FBXO31: variants seen among roughly 807,000 people sequenced by gnomAD.
FBXO31 encodes the protein F-box only protein 31.
FBXO31 carries 24 observed loss-of-function variants against 54.4 expected under a neutral mutation model. The ratio of observed to expected loss-of-function variants is 0.44; its 90% CI spans 0.32 to 0.62. FBXO31 has a LOEUF of 0.62. Among genes scored for constraint, FBXO31 ranks in the 20% least tolerant of loss-of-function variants. The pLI is 0.05. For missense variants in FBXO31, 665 were observed against 787.1 expected (o/e 0.84, Z 1.86); for synonymous variants, 388 against 335.6 (o/e 1.16, Z -1.71).
intron 2 of FBXO31, among the ~76,000 whole-genome samples, chr16:87,355,097 C>T (rs182840368): frequency 2.0e-5 from 3 of 152,324 alleles, no homozygotes; most frequent in African/African-American, 7.2e-5. Context: ...GTGGCTCACG[C>T]CTGTAATCCC....
rs758118934 is a variant in FBXO31 at position 87,360,284 on chromosome 16, G to T, written c.412+11C>A. 1.2e-6 allele frequency: 2 copies of T among 1,613,016 alleles called. No homozygotes were observed. The highest frequency in any genetic ancestry group is 1.7e-6 in the Non-Finnish European group (2 of 1,178,966). On this transcript the variant is annotated intron_variant, in intron 2 of 8. Transcript: ENST00000311635. ...AGTTAATCATGGATGGTAACAAATA[G>T]ATTCACTCACGCTTCGCATAGACGT...
chr16:87,379,853 G>A (rs1906996858), intron 1 of FBXO31, among the ~76,000 whole-genome samples: 1 of 151,794 alleles, frequency 6.6e-6, no homozygotes, highest in Non-Finnish European at 1.5e-5. Flanking sequence ...CTCCCAAAGT[G>A]CTGGAATTAC....
intron 5 of FBXO31, among the ~76,000 whole-genome samples, chr16:87,340,579 A>T (rs527689734): frequency 6.6e-6 from 1 of 152,360 alleles, no homozygotes; most frequent in Non-Finnish European, 1.5e-5. Flanking sequence ...CTCATTTGTA[A>T]ACATATGTGC....
rs1417982024 is a variant in FBXO31, at chr16:87,346,012, CAG to C, written c.489+1160_489+1161del. On this transcript the variant is annotated intron_variant, in intron 3 of 8. Coordinates refer to ENST00000311635, the MANE Select transcript of FBXO31 (RefSeq NM_024735.5). This position sits in a 1 kb window ranked among gnomAD's most constrained non-coding sequence, Gnocchi z 4.2. The stretch of plus-strand genomic sequence containing the variant: ...AGGGGTGGGAGGTGGAGGAGGGAAG[CAG>C]AGTGGCTGCTGAGAGGAGAAGGGGC... Among the ~76,000 whole-genome samples, 3 of 151,996 alleles carry C rather than the reference CAG, an allele frequency of 2.0e-5. No homozygotes were observed. Among genetic ancestry groups the C allele is most frequent in the Non-Finnish European group, 4.4e-5 (3 of 67,984 alleles).
intron 1 of FBXO31, among the ~76,000 whole-genome samples, chr16:87,382,429 G>A (rs1330493985): frequency 6.6e-6 from 1 of 152,148 alleles, no homozygotes; most frequent in Non-Finnish European, 1.5e-5. Flanking sequence ...CTAAATATGA[G>A]CTGCTTGAAC....
chr16:87,333,481 TG>T (rs1454921964), intron 8 of FBXO31, among the ~76,000 whole-genome samples: 1 of 151,268 alleles, frequency 6.6e-6, no homozygotes, highest in Non-Finnish European at 1.5e-5. Flanking sequence ...ACAGGGTGGG[TG>T]GGGAAGGGGC....
rs1209263906 is a variant in FBXO31, at chr16:87,336,642, C to T, written c.733-378G>A. Among the ~76,000 whole-genome samples, 5 of 152,178 alleles carry T rather than the reference C, an allele frequency of 3.3e-5. No homozygotes were observed. Among genetic ancestry groups the T allele is most frequent in the African/African-American group, 9.6e-5 (4 of 41,452 alleles). ...CTACACAGACTCTGGCCCTGCACAG[C>T]ACAGCCCCTCAGCCTGCTTCTCTGG... On this transcript the variant is annotated intron_variant, in intron 5 of 8. Coordinates refer to ENST00000311635, the MANE Select transcript of FBXO31 (RefSeq NM_024735.5). The surrounding 1 kb of genome is among the most constrained non-coding windows in gnomAD (Gnocchi z 6.5).
intron 1 of FBXO31, among the ~76,000 whole-genome samples, chr16:87,373,932 A>G (rs2150694794): frequency 6.6e-6 from 1 of 152,342 alleles, no homozygotes; most frequent in South Asian, 2.1e-4. Context: ...TGACAGGATT[A>G]CATTCCAATA....
chr16:87,368,244 AGAG>A (rs1906450213), intron 1 of FBXO31, among the ~76,000 whole-genome samples: 1 of 152,254 alleles, frequency 6.6e-6, no homozygotes, highest in African/African-American at 2.4e-5. Flanking sequence ...CAAATGAACC[AGAG>A]GAGAATAAAT....
intron 1 of FBXO31, 99 bp from the exon 2 acceptor site, chr16:87,360,465 G>A (rs1310907841): frequency 1.7e-5 from 16 of 944,808 alleles, no homozygotes; most frequent in Admixed American, 5.7e-5. Flanking sequence ...TGCACACCTA[G>A]CCTCAGCCCC....
intron 2 of FBXO31, 49 bp from the exon 3 acceptor site, chr16:87,347,299 G>A (rs372849491): frequency 1.4e-5 from 22 of 1,557,334 alleles, no homozygotes; most frequent in African/African-American, 8.1e-5. Flanking sequence ...CCAGCGTGCC[G>A]CAGGGAGCCC....
chr16:87,351,264 G>A (rs563462479), intron 2 of FBXO31, among the ~76,000 whole-genome samples: 2 of 152,318 alleles, frequency 1.3e-5, no homozygotes, highest in East Asian at 1.9e-4. Flanking sequence ...CCATTCAAAC[G>A]GTCAAGAGCA....
rs181713238 is a variant in FBXO31 at position 87,340,021 on chromosome 16, G to A, written c.732+2856C>T. Among the ~76,000 whole-genome samples the A allele has an allele frequency of 3.9e-3, 590 of 152,316 alleles. 3 individuals are homozygous for A. Among genetic ancestry groups the A allele is most frequent in the Non-Finnish European group, 4.8e-3 (325 of 68,032 alleles). ...AATTCGGCCGGGCGCGGTGGCTCGCGCCTGTAATCCCAGCACTTTGGGAGG... is the reference window on the plus strand; with the variant it reads ...AATTCGGCCGGGCGCGGTGGCTCGCACCTGTAATCCCAGCACTTTGGGAGG... On this transcript the variant is annotated intron_variant, in intron 5 of 8. Coordinates refer to ENST00000311635, the MANE Select transcript of FBXO31 (RefSeq NM_024735.5).
chr16:87,374,794 A>G (rs1906751168), intron 1 of FBXO31, among the ~76,000 whole-genome samples: 1 of 152,294 alleles, frequency 6.6e-6, no homozygotes, highest in South Asian at 2.1e-4. Flanking sequence ...TTTAAATGTA[A>G]TCTTTTGTTA....
At chr16:87,363,120 C>T (rs1360503885) in intron 1 of FBXO31, among the ~76,000 whole-genome samples, 5 of 152,150 alleles carry the variant, frequency 3.3e-5, no homozygotes, top group Admixed American at 3.3e-4. Context: ...CGCGGTGGCT[C>T]ATGCCTGTAA....
upstream of FBXO31, among the ~76,000 whole-genome samples, chr16:87,391,134 T>A (rs557631541): frequency 3.3e-5 from 5 of 152,154 alleles, no homozygotes; most frequent in Non-Finnish European, 5.9e-5. Context: ...GAGGGTTGCT[T>A]GAGGCCAGGA....
intron 1 of FBXO31, among the ~76,000 whole-genome samples, chr16:87,365,031 A>ATATATATATATATATATATATG (rs1906302751): frequency 9.1e-6 from 1 of 109,340 alleles, no homozygotes; most frequent in African/African-American, 3.6e-5. Context: ...ATATATATAT[A>ATATATATATATATATATATATG]TATATATATC....
intron 2 of FBXO31, among the ~76,000 whole-genome samples, chr16:87,355,241 G>C (rs796344197): frequency 6.6e-6 from 1 of 152,160 alleles, no homozygotes; most frequent in Non-Finnish European, 1.5e-5. Flanking sequence ...AGGTCCAAAG[G>C]ACTTCAACAC....
At position 87,360,338 on chromosome 16, in the gene FBXO31, C is replaced by A. The variant is rs1270126026; in HGVS notation, c.369G>T (p.Lys123Asn). Reference sequence around the variant, plus strand: ...GACAAGACACGCCTGTGATCTCCAGCTTCCGCAAGTTTTCGCAAACACCAT... The same window carrying A: ...GACAAGACACGCCTGTGATCTCCAGATTCCGCAAGTTTTCGCAAACACCAT... The part of the protein sequence containing the change: ...EEYGVCENLR[K>N]LEITGVSCRD... Residue 123 changes from lysine (K) to asparagine (N), a missense_variant, in exon 2 of 9, where the codon AAG becomes AAT. By Grantham distance (94) the Lys-to-Asn change is moderately conservative (BLOSUM62 0). Around this residue, in one of 4 missense-constraint regions of FBXO31, gnomAD observed 234 missense variants for 346.8 expected, o/e 0.67. Coordinates refer to ENST00000311635, the MANE Select transcript of FBXO31 (RefSeq NM_024735.5). 1 of 1,614,196 alleles carries A rather than the reference C, an allele frequency of 6.2e-7. No individual in the cohort carries two copies. Among genetic ancestry groups the A allele is most frequent in the South Asian group, 1.1e-5 (1 of 91,086 alleles).
Sources: allele counts gnomAD v4.1 joint callset (sites outside exome capture counted in the v4.1 genomes callset), GRCh38; gene constraint gnomAD v4.1.1; regional missense constraint gnomAD v4.1.1; non-coding constraint Gnocchi (gnomAD v3.1); transcripts MANE v1.5; gene names NCBI Gene and HGNC (gene_info 2026-07-23, HGNC 2026-07-21).